Variants in CYREN observed in about 807,000 individuals in gnomAD.
The protein encoded by CYREN is cell cycle regulator of non-homologous end joining.
In CYREN, 7 loss-of-function variants were observed where a neutral mutation model predicts 9.7. The ratio of observed to expected loss-of-function variants is 0.72; its 90% confidence interval spans 0.41 to 1.36. The LOEUF (loss-of-function observed/expected upper bound fraction) is 1.36. Ranked by LOEUF, CYREN falls within the 40% of genes most tolerant of loss-of-function variation. The pLI, the probability that CYREN is intolerant of heterozygous loss-of-function variation, is 0.01. For synonymous variants in CYREN, 76 were observed against 77.9 expected, an observed-to-expected ratio of 0.98 and a Z score of 0.13; for missense variants, 215 against 198.1, an observed-to-expected ratio of 1.09 and a Z score of -0.51.
chr7:135,164,494 T>C (rs139682481), downstream of CYREN: 53 of 1,611,766 alleles, frequency 3.3e-5, no homozygotes, highest in Admixed American at 2.3e-4. Context: ...ATGAGCATCA[T>C]AGTCCTCGTG....
chr7:135,128,818 G>GA, intron 2 of CYREN: 1 of 1,163,310 alleles, frequency 8.6e-7, no homozygotes, highest in South Asian at 1.3e-5. Flanking sequence ...AACTGTGGAT[G>GA]AGACAGCTGT....
In CYREN at chr7:135,151,430, G is replaced by A. The variant is rs940178108; in HGVS notation, n.356+17319C>T. Among the ~76,000 whole-genome samples the A allele has an allele frequency of 1.3e-5, 2 of 152,184 alleles. No homozygotes were observed. Among genetic ancestry groups the A allele is most frequent in the Non-Finnish European group, 2.9e-5 (2 of 68,030 alleles). On this transcript the variant is annotated intron_variant and non_coding_transcript_variant, in intron 2 of 2. Transcript: ENST00000459937. The surrounding 1 kb of genome is among the most constrained non-coding windows in gnomAD (Gnocchi z 4.3). ...TGTTCCACCAGAAATATTTTAGCCA[G>A]GACTGGTGGCCTCTGACAAGTAAAC...
At chr7:135,126,767 G>C (rs1399427382) in intron 2 of CYREN, among the ~76,000 whole-genome samples, 2 of 152,196 alleles carry the variant, frequency 1.3e-5, no homozygotes, top group Non-Finnish European at 2.9e-5. Flanking sequence ...AAGCAATGGG[G>C]AAAGGATTCC....
At chr7:135,094,529 T>C in exon 3 of CYREN, 1 of 456,702 alleles carries the variant, frequency 2.2e-6, no homozygotes, top group South Asian at 1.5e-5. Context: ...GTGGACTTTA[T>C]CTTCAGGAAT....
At chr7:135,160,897 C>T (rs755913984), downstream of CYREN, among the ~76,000 whole-genome samples, 2 of 152,112 alleles carry the variant, frequency 1.3e-5, no homozygotes, top group Non-Finnish European at 2.9e-5. Context: ...CTGCATGGAT[C>T]AGATTTAGAG....
At chr7:135,135,406 TC>T in intron 2 of CYREN, 1 of 540,726 alleles carries the variant, frequency 1.8e-6, no homozygotes, top group Non-Finnish European at 2.9e-6. Context: ...ATTTTAGATA[TC>T]CCATCTTCTG....
chr7:135,116,680 G>C (rs1276427535), intron 2 of CYREN, among the ~76,000 whole-genome samples: 1 of 152,174 alleles, frequency 6.6e-6, no homozygotes, highest in East Asian at 1.9e-4. Context: ...CTCCACCCTA[G>C]CAGAGGTTTG....
intron 2 of CYREN, among the ~76,000 whole-genome samples, chr7:135,103,173 G>A (rs907063144): frequency 3.3e-5 from 5 of 151,998 alleles, no homozygotes; most frequent in African/African-American, 4.8e-5. Flanking sequence ...TCTTTGGAAC[G>A]TGCTTCACCT....
At chr7:135,099,077 A>G (rs1211886408) in intron 2 of CYREN, among the ~76,000 whole-genome samples, 3 of 152,216 alleles carry the variant, frequency 2.0e-5, no homozygotes, top group Admixed American at 6.5e-5. Flanking sequence ...TAAATAATAT[A>G]GAATAATAAA....
chr7:135,124,639 T>TA (rs1044182877), intron 2 of CYREN, among the ~76,000 whole-genome samples: 5 of 152,160 alleles, frequency 3.3e-5, no homozygotes, highest in Non-Finnish European at 2.9e-5. Context: ...ACTGACCACA[T>TA]AATTGGAAGT....
intron 2 of CYREN, among the ~76,000 whole-genome samples, chr7:135,158,988 A>AGGCCCT (rs1351076950): frequency 6.6e-6 from 1 of 152,246 alleles, no homozygotes; most frequent in Non-Finnish European, 1.5e-5. Context: ...TGTCAGGCCC[A>AGGCCCT]GGCCCTGGCC....
exon 3 of CYREN, chr7:135,094,450 G>A: frequency 2.2e-6 from 1 of 456,682 alleles, no homozygotes; most frequent in Non-Finnish European, 4.4e-6. Flanking sequence ...ATTGCCAGAG[G>A]CTGAGTGCGC....
chr7:135,157,989 C>T (rs1351743135), intron 2 of CYREN, among the ~76,000 whole-genome samples: 1 of 152,088 alleles, frequency 6.6e-6, no homozygotes, highest in African/African-American at 2.4e-5. Context: ...ACTTGAGTCT[C>T]GGTCTCACAG....
Position 135,141,167 on chromosome 7 carries a change from G to T in CYREN, n.356+27582C>A, listed in dbSNP as rs546049534. Among the ~76,000 whole-genome samples, 3 of 152,126 alleles carry T rather than the reference G, an allele frequency of 2.0e-5. No individual in the cohort carries two copies. In the East Asian group the frequency reaches 5.8e-4, roughly 29 times the overall value. ...TTCTTTGTATGTCTGGTAGAATTCA[G>T]CCATGAATCTGTATGGTCCAGGGCC... is the stretch of plus-strand genomic sequence containing the variant. On this transcript the variant is annotated intron_variant and non_coding_transcript_variant, in intron 2 of 2. Transcript: ENST00000459937.
intron 2 of CYREN, among the ~76,000 whole-genome samples, chr7:135,139,452 G>A (rs570573667): frequency 3.5e-4 from 52 of 150,528 alleles, no homozygotes; most frequent in Non-Finnish European, 6.2e-4. Flanking sequence ...TGCTTGTTAC[G>A]TTTTTTATAG....
intron 3 of CYREN, 35 bp downstream of exon 3, chr7:135,167,697 T>C: frequency 6.2e-7 from 1 of 1,612,848 alleles, no homozygotes; most frequent in Non-Finnish European, 8.5e-7. Context: ...CATGCAGAGT[T>C]TCTGGTCATG....
intron 2 of CYREN, among the ~76,000 whole-genome samples, chr7:135,153,860 CAGTT>C (rs1345005785): frequency 6.6e-6 from 1 of 152,192 alleles, no homozygotes; most frequent in Non-Finnish European, 1.5e-5. Context: ...CTCGGAGAAT[CAGTT>C]AGGGAGAATT....
At chr7:135,108,828 T>C (rs1317416134) in intron 2 of CYREN, among the ~76,000 whole-genome samples, 6 of 152,248 alleles carry the variant, frequency 3.9e-5, no homozygotes, top group Non-Finnish European at 8.8e-5. Flanking sequence ...AAATGATTCA[T>C]AAATTTGGCC....
intron 2 of CYREN, among the ~76,000 whole-genome samples, chr7:135,156,086 T>C (rs1253457278): frequency 2.0e-5 from 3 of 152,192 alleles, no homozygotes; most frequent in East Asian, 1.9e-4. Context: ...TTTTCTGGCA[T>C]GTAAGAATTC....
Sources: allele counts gnomAD v4.1 joint callset (sites outside exome capture counted in the v4.1 genomes callset), GRCh38; gene constraint gnomAD v4.1.1; non-coding constraint Gnocchi (gnomAD v3.1); transcripts MANE v1.5; gene names NCBI Gene and HGNC (gene_info 2026-07-23, HGNC 2026-07-21).